The following UBL5 variants were observed in gnomAD, a reference collection of about 807,000 sequenced individuals.
The protein encoded by UBL5 is ubiquitin like 5.
A neutral mutation model predicts 11.7 loss-of-function variants in UBL5; 13 were observed. The observed-to-expected ratio is 1.11, with a 90% CI of 0.73 to 1.77. The LOEUF is 1.77. Ranked by LOEUF, UBL5 falls within the 40% of genes most tolerant of loss-of-function variation. UBL5 has a pLI of 0.00. For synonymous variants in UBL5, 28 were observed against 34.7 expected, an observed-to-expected ratio of 0.81 and a Z score of 0.68; for missense variants, 58 against 92.3, an observed-to-expected ratio of 0.63 and a Z score of 1.52.
In UBL5 at chr19:9,828,958, T is replaced by C. The variant is rs1416426549; in HGVS notation, c.178+84T>C. 10 of 1,350,936 alleles carry C rather than the reference T, an allele frequency of 7.4e-6. No homozygotes were observed. The African/African-American group carries it at 1.3e-4, about 17-fold the overall frequency. The allele number at this position is 1,350,936 out of a possible 1,614,324, so 83.7% of individuals were successfully genotyped here. Reference sequence around the variant, plus strand: ...CAAAACTAAAGTCTGCATGAGCTTATGCATATTAAGTGTTTAACTTAATAC... The same window carrying C: ...CAAAACTAAAGTCTGCATGAGCTTACGCATATTAAGTGTTTAACTTAATAC... On this transcript the variant is annotated intron_variant, in intron 4 of 4. Coordinates refer to ENST00000586895, the MANE Select transcript of UBL5 (RefSeq NM_001048241.3).
rs928664730 is a variant in UBL5 at position 9,829,915 on chromosome 19, G to C, written c.179-50G>C. 3.1e-6 allele frequency: 5 copies of C among 1,610,368 alleles called. No homozygotes were observed. The African/African-American group carries it at 5.3e-5, about 17-fold the overall frequency. ...CTGACCCGGCTGTGAATGGATGAGA[G>C]GGGTGGGGACGGAAGTCAGAGTCAG... On this transcript the variant is annotated intron_variant, in intron 4 of 4. Transcript: ENST00000586895.
chr19:9,828,265 G>A, intron 1 of UBL5, 62 bp from the exon 2 acceptor site: 1 of 1,519,222 alleles, frequency 6.6e-7, no homozygotes, highest in Non-Finnish European at 9.1e-7. Flanking sequence ...GGGGCTTCTG[G>A]GCCTGGGAGA....
In UBL5 at chr19:9,828,622, G is replaced by A. The variant is rs1331999376; in HGVS notation, c.87G>A (p.Lys29=). Reference sequence around the variant, plus strand: ...ATGATACCATCGGGGACCTTAAGAAGCTGATTGCAGCCCAAACTGGTACCC... The same window carrying A: ...ATGATACCATCGGGGACCTTAAGAAACTGATTGCAGCCCAAACTGGTACCC... The part of the protein sequence containing the change: ...NTDDTIGDLK[K]LIAAQTGTRW... Residue 29 remains lysine, a synonymous_variant, in exon 3 of 5, where the codon AAG becomes AAA. Coordinates refer to ENST00000586895, the MANE Select transcript of UBL5 (RefSeq NM_001048241.3). 6.2e-7 allele frequency: 1 copy of A among 1,614,204 alleles called. No individual in the cohort carries two copies. The highest frequency in any genetic ancestry group is 1.1e-5 in the South Asian group (1 of 91,088).
Position 9,828,665 on chromosome 19 carries a change from C to T in UBL5, c.130C>T (p.Leu44=). The change falls in exon 3 of 5, where the codon CTG becomes TTG. Residue 44 remains leucine (L), a synonymous_variant. Coordinates refer to ENST00000586895, the MANE Select transcript of UBL5 (RefSeq NM_001048241.3). ...QTGTRWNKIV[L]KKWYTIFKDH... Reference sequence around the variant, plus strand: ...TGGTACCCGTTGGAACAAGATTGTCCTGAAGAAGTGGTGAGTGCAGCGGTA... The same window carrying T: ...TGGTACCCGTTGGAACAAGATTGTCTTGAAGAAGTGGTGAGTGCAGCGGTA... The T allele has an allele frequency of 1.2e-6, 2 of 1,614,210 alleles. No homozygotes were observed. Among genetic ancestry groups the T allele is most frequent in the Non-Finnish European group, 1.7e-6 (2 of 1,180,040 alleles).
chr19:9,828,235 G>A (rs1434153515), intron 1 of UBL5, 92 bp from the exon 2 acceptor site: 8 of 1,241,250 alleles, frequency 6.4e-6, no homozygotes, highest in Non-Finnish European at 8.3e-6. Flanking sequence ...TAGGGCCTGG[G>A]ACTGGGAGAC....
intron 2 of UBL5, 49 bp from the exon 3 acceptor site, chr19:9,828,543 C>T: frequency 6.2e-7 from 1 of 1,612,740 alleles, no homozygotes; most frequent in Non-Finnish European, 8.5e-7. Context: ...CTAGAATGTC[C>T]TCTTCCTCGT....
intron 4 of UBL5, chr19:9,829,208 C>G: frequency 3.9e-6 from 1 of 259,342 alleles, no homozygotes; most frequent in Non-Finnish European, 7.5e-6. Context: ...TTTTTTGAGA[C>G]AGTCTGGCTC....
rs577151581 is a variant in UBL5 at position 9,830,019 on chromosome 19, T to C, written c.*11T>C. ...CTTTATTATCAATAGATGAGAATCC[T>C]CATCTTCCTGCCCCGCTTTCCTCTC... is the stretch of plus-strand genomic sequence containing the variant. On this transcript the variant is annotated 3_prime_UTR_variant, in exon 5 of 5. Coordinates refer to ENST00000586895, the MANE Select transcript of UBL5 (RefSeq NM_001048241.3). 1 of 1,613,956 alleles carries C rather than the reference T, an allele frequency of 6.2e-7. No individual in the cohort carries two copies. The highest frequency in any genetic ancestry group is 2.2e-5 in the East Asian group (1 of 44,882).
At chr19:9,829,924 A>T in intron 4 of UBL5, 41 bp from the exon 5 acceptor site, 3 of 1,613,196 alleles carry the variant, frequency 1.9e-6, no homozygotes, top group Non-Finnish European at 2.5e-6. Context: ...AGGGGTGGGG[A>T]CGGAAGTCAG....
At chr19:9,828,785 A>G in intron 3 of UBL5, 52 bp from the exon 4 acceptor site, 1 of 1,612,530 alleles carries the variant, frequency 6.2e-7, no homozygotes, top group South Asian at 1.1e-5. Flanking sequence ...CATTTGGCCT[A>G]CAGACTGAAG....
At chr19:9,829,430 C>T in intron 4 of UBL5, 1 of 161,214 alleles carries the variant, frequency 6.2e-6, no homozygotes, top group Non-Finnish European at 1.4e-5. Flanking sequence ...ATCCTCCCGC[C>T]TCGGCCTCCC....
rs1319038896 is a variant in UBL5 at position 9,827,944 on chromosome 19, G to A, written c.-52G>A. ...ACTGCGACCGGGGTTCAGCGCTCGG[G>A]TGAGGAGCTGGTGGCGTCGGCAGGT... On this transcript the variant is annotated 5_prime_UTR_variant, in exon 1 of 5. In the 5' UTR this introduces an upstream ATG that the reference lacks. Transcript: ENST00000586895. The A allele has an allele frequency of 2.9e-5, 9 of 313,182 alleles. No homozygotes were observed. Among genetic ancestry groups the A allele is most frequent in the Admixed American group, 2.4e-4 (5 of 21,230 alleles). 19.4% of individuals were successfully genotyped at this position (313,182 alleles called of 1,614,324 possible).
intron 4 of UBL5, chr19:9,829,357 T>G (rs1378548447): frequency 5.9e-6 from 1 of 168,716 alleles, no homozygotes; most frequent in Non-Finnish European, 1.3e-5. Flanking sequence ...GTTTTTGTAT[T>G]TTTAGTAGAG....
At chr19:9,828,008 TCG>T (rs982985744) in intron 1 of UBL5, 24 bp downstream of exon 1, 3 of 446,748 alleles carry the variant, frequency 6.7e-6, no homozygotes, top group Non-Finnish European at 1.2e-5. Context: ...GCGGAGAGGC[TCG>T]GAGTCGGAGA....
Position 9,828,598 on chromosome 19 carries a change from T to G in UBL5, c.63T>G (p.Asp21Glu), listed in dbSNP as rs775712684. The change falls in exon 3 of 5, where the codon GAT (aspartate) becomes GAG (glutamate). Residue 21 changes from aspartate (D) to glutamate (E), a missense_variant. Physicochemically the swap from Asp to Glu is conservative, Grantham distance 45 (BLOSUM62 2). Transcript: ENST00000586895. ...GKKVRVKCNT[D>E]DTIGDLKKLI... is the part of the protein sequence containing the mutation. ...TTAACTGCTCTGCGCCCAGCACGGA[T>G]GATACCATCGGGGACCTTAAGAAGC... The G allele has an allele frequency of 6.2e-7, 1 of 1,614,216 alleles. No individual in the cohort carries two copies. The highest frequency in any genetic ancestry group is 2.2e-5 in the East Asian group (1 of 44,882).
At position 9,829,068 on chromosome 19, in the gene UBL5, C is replaced by A; in HGVS notation, c.178+194C>A. The A allele has an allele frequency of 4.8e-6, 3 of 622,646 alleles. No individual in the cohort carries two copies. In the South Asian group the frequency reaches 5.8e-5, roughly 12 times the overall value. The allele number at this position is 622,646 out of a possible 1,614,324, so 38.6% of individuals were successfully genotyped here. A position where few individuals can be genotyped will look rare whatever the true frequency, so the allele number is the denominator to read the frequency against. The stretch of plus-strand genomic sequence containing the variant: ...AGTGGTTGGTGAAATAGTTTGACTT[C>A]AAGTTCAAAATATTTATTACTGACC... On this transcript the variant is annotated intron_variant, in intron 4 of 4. Transcript: ENST00000586895.
Position 9,828,304 on chromosome 19 carries a change from C to T in UBL5, c.-11-23C>T, listed in dbSNP as rs1599441603. On this transcript the variant is annotated intron_variant, in intron 1 of 4. Transcript: ENST00000586895. ...CTGAAGCTCTGACTTTGCTGCCTCC[C>T]ACCCACCCCCCGCTTTGTGTAGCTC... is the stretch of plus-strand genomic sequence containing the variant. The T allele has an allele frequency of 3.8e-6, 6 of 1,578,086 alleles. 1 individual carries two copies. Among genetic ancestry groups the T allele is most frequent in the Non-Finnish European group, 5.2e-6 (6 of 1,147,320 alleles).
chr19:9,829,885 G>A (rs2046046170), intron 4 of UBL5, 80 bp from the exon 5 acceptor site: 1 of 1,560,358 alleles, frequency 6.4e-7, no homozygotes, highest in Admixed American at 1.7e-5. Flanking sequence ...GAGACCTCAG[G>A]CCACCTGACC....
intron 4 of UBL5, 62 bp from the exon 5 acceptor site, chr19:9,829,903 G>A: frequency 1.2e-6 from 2 of 1,603,832 alleles, no homozygotes. Context: ...ACCCGGCTGT[G>A]AATGGATGAG....
Sources: gnomAD v4.1 joint callset for allele counts on GRCh38, gnomAD v4.1.1 for gene constraint, MANE v1.5 for transcripts, NCBI Gene and HGNC (gene_info 2026-07-23, HGNC 2026-07-21) for gene names.